MSI1: variants seen among roughly 807,000 people sequenced by gnomAD.
MSI1 encodes the protein RNA-binding protein Musashi homolog 1.
In MSI1, 15 loss-of-function variants were observed where a neutral mutation model predicts 54.4. The observed-to-expected ratio is 0.28, with a 90% CI of 0.18 to 0.42. The LOEUF (loss-of-function observed/expected upper bound fraction) is 0.42, where lower values mean the gene tolerates loss of function less well. Among genes scored for constraint, MSI1 ranks in the 20% least tolerant of loss-of-function variants. The pLI is 1.00. For missense variants in MSI1, 304 were observed against 506.0 expected, an observed-to-expected ratio of 0.60 and a Z score of 3.83; for synonymous variants, 200 against 196.5, an observed-to-expected ratio of 1.02 and a Z score of -0.15.
Position 120,368,435 on chromosome 12 carries a change from G to A in MSI1, c.101-162C>T, listed in dbSNP as rs919969635. Reference sequence around the variant, plus strand: ...CCCCCACCGCCCTCGCCCCGTTCCCGCTGAGCCTCCTGGCGCCCACCGGGG... The same window carrying A: ...CCCCCACCGCCCTCGCCCCGTTCCCACTGAGCCTCCTGGCGCCCACCGGGG... On this transcript the variant is annotated intron_variant, in intron 2 of 14. Transcript: ENST00000257552. The surrounding 1 kb of genome is among the most constrained non-coding windows in gnomAD (Gnocchi z 6.6). Among the ~76,000 whole-genome samples the A allele has an allele frequency of 6.7e-6, 1 of 149,382 alleles. No individual in the cohort carries two copies.
Position 120,347,532 on chromosome 12 carries a change from G to A in MSI1, c.791-18C>T. The A allele has an allele frequency of 6.2e-7, 1 of 1,613,994 alleles. No individual in the cohort carries two copies. The highest frequency in any genetic ancestry group is 8.5e-7 in the Non-Finnish European group (1 of 1,179,988). On this transcript the variant is annotated intron_variant, in intron 11 of 14. Transcript: ENST00000257552. ...AGGAATGGCTGAAAGGAAAGGGATG[G>A]GCACATCAGCATGGCGGTGAGGGGC... is the stretch of plus-strand genomic sequence containing the variant.
At chr12:120,358,013 G>A in intron 7 of MSI1, 115 bp from the exon 8 acceptor site, 2 of 834,972 alleles carry the variant, frequency 2.4e-6, no homozygotes, top group Non-Finnish European at 4.0e-6. Context: ...GAGAGTTAAT[G>A]AAAGGCTCTG....
chr12:120,361,853 A>T (rs1214034767), intron 6 of MSI1, among the ~76,000 whole-genome samples: 2 of 151,612 alleles, frequency 1.3e-5, no homozygotes, highest in Non-Finnish European at 2.9e-5. Flanking sequence ...AGGCCCGAAC[A>T]AAAGACGCGG....
intron 14 of MSI1, 64 bp from the exon 15 acceptor site, chr12:120,343,169 C>T (rs1033522402): frequency 6.6e-6 from 1 of 152,206 alleles, no homozygotes; most frequent in Non-Finnish European, 1.5e-5. Flanking sequence ...CCAGTTCTCT[C>T]CCAGAAGAGC....
chr12:120,347,462 AGCCGCTGCC>A lies in MSI1; in HGVS notation c.834_842del (p.Ala279_Ala281del), dbSNP rs753597947. ...AGAGCTCACCTGTCCCTCGAACCAC[AGCCGCTGCC>A]GCCGCTGCCGCCGCCATTGGTCCGT... is the stretch of plus-strand genomic sequence containing the variant. On this transcript the variant is annotated inframe_deletion, in exon 12 of 15. Transcript: ENST00000257552. 2.2e-5 allele frequency: 35 copies of A among 1,613,918 alleles called. No homozygotes were observed. Among genetic ancestry groups the A allele is most frequent in the East Asian group, 4.5e-5 (2 of 44,888 alleles).
chr12:120,354,661 C>A (rs548382984), intron 9 of MSI1, among the ~76,000 whole-genome samples: 1 of 152,270 alleles, frequency 6.6e-6, no homozygotes, highest in East Asian at 1.9e-4. Flanking sequence ...GAACTCCCAA[C>A]CTCAGGTGAT....
intron 4 of MSI1, among the ~76,000 whole-genome samples, chr12:120,365,343 AAAT>A (rs1336541546): frequency 1.3e-5 from 2 of 152,222 alleles, no homozygotes; most frequent in Non-Finnish European, 2.9e-5. Context: ...CAAAATGGGC[AAAT>A]AATAACACCC....
rs371135225 is a variant in MSI1, at chr12:120,347,413, T to A, written c.859+33A>T. On this transcript the variant is annotated intron_variant, in intron 12 of 14. Coordinates refer to ENST00000257552, the MANE Select transcript of MSI1 (RefSeq NM_002442.4). Reference sequence around the variant, plus strand: ...GGACTTCTCTGCTCCCTGTGCTCCCTCATCTCTCTTCCTGCACCTCAGAAG... The same window carrying A: ...GGACTTCTCTGCTCCCTGTGCTCCCACATCTCTCTTCCTGCACCTCAGAAG... 3.3e-4 allele frequency: 525 copies of A among 1,613,292 alleles called. 2 individuals carry two copies. The highest frequency in any genetic ancestry group is 3.7e-4 in the Non-Finnish European group (441 of 1,179,798).
intron 7 of MSI1, among the ~76,000 whole-genome samples, chr12:120,358,413 TAC>T (rs1203762505): frequency 6.7e-6 from 1 of 150,030 alleles, no homozygotes; most frequent in African/African-American, 2.5e-5. Flanking sequence ...CAGATACAAA[TAC>T]ACACACACAC....
chr12:120,366,555 G>C (rs891693966), intron 4 of MSI1, among the ~76,000 whole-genome samples: 3 of 151,922 alleles, frequency 2.0e-5, no homozygotes, highest in Non-Finnish European at 2.9e-5. Flanking sequence ...CCCAAGCCAC[G>C]ATCCCACAGA....
chr12:120,360,263 G>A (rs1875521384), intron 6 of MSI1, among the ~76,000 whole-genome samples: 1 of 152,136 alleles, frequency 6.6e-6, no homozygotes, highest in Non-Finnish European at 1.5e-5. Context: ...GGGATTACAG[G>A]CGTGAGCCAC....
At chr12:120,357,682 T>C in intron 8 of MSI1, 134 bp downstream of exon 8, 1 of 814,662 alleles carries the variant, frequency 1.2e-6, no homozygotes, top group South Asian at 1.7e-5. Flanking sequence ...ATTTTTGTAT[T>C]TTTAGTAGAG....
At chr12:120,353,244 A>T in intron 10 of MSI1, 55 bp downstream of exon 10, 1 of 1,552,986 alleles carries the variant, frequency 6.4e-7, no homozygotes, top group South Asian at 1.1e-5. Context: ...GAGAAGTCAG[A>T]CTGCCCGGGA....
At position 120,368,226 on chromosome 12, in the gene MSI1, G is replaced by C. The variant is rs1187821952; in HGVS notation, c.148C>G (p.Leu50Val). ...TTGGTCAGGGGGTCCCGCATCACCA[G>C]ACACTCCTTCACCTCCCCGAACTGG... ...FGQFGEVKEC[L>V]VMRDPLTKRS... is the part of the protein sequence containing the mutation. Residue 50 changes from leucine (L) to valine (V), a missense_variant, in exon 3 of 15, where the codon CTG (leucine) becomes GTG (valine). Leu to Val is a conservative substitution (Grantham distance 32). Around this residue, in one of 4 missense-constraint regions of MSI1, gnomAD observed 105 missense variants for 230.1 expected, o/e 0.46. Transcript: ENST00000257552. This position sits in a 1 kb window ranked among gnomAD's most constrained non-coding sequence, Gnocchi z 6.6. The C allele has an allele frequency of 6.3e-7, 1 of 1,590,080 alleles. No individual in the cohort carries two copies. Among genetic ancestry groups the C allele is most frequent in the South Asian group, 1.1e-5 (1 of 87,948 alleles).
intron 10 of MSI1, among the ~76,000 whole-genome samples, chr12:120,351,751 C>A (rs1208559991): frequency 4.7e-5 from 7 of 149,210 alleles, no homozygotes; most frequent in Non-Finnish European, 8.9e-5. Context: ...CTCTGTCGCC[C>A]GGTCTGGAGT....
At chr12:120,355,264 G>T (rs1262749715) in intron 9 of MSI1, among the ~76,000 whole-genome samples, 1 of 151,710 alleles carries the variant, frequency 6.6e-6, no homozygotes, top group Non-Finnish European at 1.5e-5. Flanking sequence ...AATTAGCTGG[G>T]CACGGTGGCG....
intron 4 of MSI1, among the ~76,000 whole-genome samples, chr12:120,367,763 G>A (rs1670397955): frequency 6.6e-6 from 1 of 152,042 alleles, no homozygotes. Context: ...GGTGGCGGCT[G>A]CCTCTCCCCT....
intron 4 of MSI1, among the ~76,000 whole-genome samples, chr12:120,365,457 C>T (rs531188998): frequency 6.6e-5 from 10 of 152,266 alleles, no homozygotes; most frequent in African/African-American, 1.9e-4. Context: ...AAATGTAAGC[C>T]GTCTTATTCC....
At chr12:120,349,536 T>C (rs2136917100) in intron 11 of MSI1, among the ~76,000 whole-genome samples, 1 of 152,312 alleles carries the variant, frequency 6.6e-6, no homozygotes, top group South Asian at 2.1e-4. Flanking sequence ...CCCCGGCCTG[T>C]TTACTTGTTT....
Sources: gnomAD v4.1 joint callset for allele counts (sites outside exome capture counted in the v4.1 genomes callset) on GRCh38, gnomAD v4.1.1 for gene constraint, gnomAD v4.1.1 regional missense constraint, Gnocchi (gnomAD v3.1) non-coding constraint, MANE v1.5 for transcripts, NCBI Gene and HGNC (gene_info 2026-07-23, HGNC 2026-07-21) for gene names.